Variants in DLGAP3 observed in about 807,000 individuals in gnomAD.
DLGAP3 encodes DLG associated protein 3, also known as disks large-associated protein 3.
DLGAP3 carries 17 observed loss-of-function variants against 81.2 expected under a neutral mutation model. The observed-to-expected ratio is 0.21, with a 90% CI of 0.14 to 0.31. DLGAP3 has a LOEUF of 0.31. DLGAP3 is among the 10% of genes least tolerant of loss of function. The pLI is 1.00. For synonymous variants in DLGAP3, 577 were observed against 587.4 expected, an observed-to-expected ratio of 0.98 and a Z score of 0.26; for missense variants, 1,124 against 1,388.0, an observed-to-expected ratio of 0.81 and a Z score of 3.02.
Position 34,868,948 on chromosome 1 carries a change from A to G in DLGAP3, c.2142T>C (p.Ser714=), listed in dbSNP as rs1638933658. Residue 714 remains serine, a synonymous_variant, in exon 9 of 12, where the codon TCT becomes TCC. Transcript: ENST00000373347. This position sits in a 1 kb window ranked among gnomAD's most constrained non-coding sequence, Gnocchi z 7.5. ...QFGRSFQRHA[S]EPQPGPRAPT... ...GGGCCCGGGGCCCAGGCTGGGGCTC[A>G]GAGGCGTGCCTCTGGAAGGAGCGTC... 1.2e-6 allele frequency: 2 copies of G among 1,610,006 alleles called. No individual in the cohort carries two copies. Among genetic ancestry groups the G allele is most frequent in the Non-Finnish European group, 1.7e-6 (2 of 1,179,844 alleles).
At chr1:34,921,876 T>C (rs1639801523) in intron 1 of DLGAP3, among the ~76,000 whole-genome samples, 1 of 152,228 alleles carries the variant, frequency 6.6e-6, no homozygotes, top group Non-Finnish European at 1.5e-5. Flanking sequence ...GACACTCCTG[T>C]AGATTTGTTA....
At chr1:34,917,856 T>C (rs911319794) in intron 1 of DLGAP3, among the ~76,000 whole-genome samples, 1 of 152,210 alleles carries the variant, frequency 6.6e-6, no homozygotes, top group Non-Finnish European at 1.5e-5. Context: ...AGGTGAGCCA[T>C]GATGCTCCTT....
intron 6 of DLGAP3, 23 bp from the exon 7 acceptor site, chr1:34,885,814 C>T (rs1046405507): frequency 1.4e-6 from 2 of 1,394,052 alleles, no homozygotes; most frequent in Non-Finnish European, 1.9e-6. Flanking sequence ...AGCGCAGAGA[C>T]GCAGTGGGTG....
At chr1:34,925,710 AG>A (rs916324706) in intron 1 of DLGAP3, among the ~76,000 whole-genome samples, 2 of 152,140 alleles carry the variant, frequency 1.3e-5, no homozygotes, top group African/African-American at 4.8e-5. Context: ...TGAGGGGGGC[AG>A]GGGCTACCTG....
intron 1 of DLGAP3, among the ~76,000 whole-genome samples, chr1:34,926,418 G>T (rs773649693): frequency 3.3e-5 from 5 of 152,226 alleles, no homozygotes; most frequent in Non-Finnish European, 5.9e-5. Context: ...ACGGCAGGAG[G>T]CCCGCTGAGC....
intron 5 of DLGAP3, among the ~76,000 whole-genome samples, chr1:34,894,645 A>G (rs1274964173): frequency 6.6e-6 from 1 of 152,262 alleles, no homozygotes. Context: ...GCTAAACTGT[A>G]TCAAACAGTA....
At chr1:34,875,615 G>A (rs1178368802) in intron 8 of DLGAP3, among the ~76,000 whole-genome samples, 5 of 152,216 alleles carry the variant, frequency 3.3e-5, no homozygotes, top group Non-Finnish European at 7.3e-5. Context: ...TGGTTAGAAA[G>A]AGTTGGAGGC....
At chr1:34,886,352 T>C in intron 5 of DLGAP3, 67 bp from the exon 6 acceptor site, 2 of 1,444,496 alleles carry the variant, frequency 1.4e-6, no homozygotes, top group Non-Finnish European at 1.9e-6. Context: ...CCTGGGGTGC[T>C]CTGCCTTAGG....
intron 1 of DLGAP3, among the ~76,000 whole-genome samples, chr1:34,918,550 G>A (rs1344997630): frequency 1.3e-5 from 2 of 152,186 alleles, no homozygotes; most frequent in African/African-American, 2.4e-5. Context: ...GCAGAGGCCC[G>A]GGCAGGGGGG....
chr1:34,899,251 G>A (rs937930544), intron 5 of DLGAP3, among the ~76,000 whole-genome samples: 1 of 152,248 alleles, frequency 6.6e-6, no homozygotes, highest in African/African-American at 2.4e-5. Flanking sequence ...TATATTTTTA[G>A]TAGAGACGGG....
intron 3 of DLGAP3, among the ~76,000 whole-genome samples, chr1:34,901,764 G>A (rs1639464250): frequency 6.6e-6 from 1 of 152,224 alleles, no homozygotes. Flanking sequence ...ACAGTGAGGG[G>A]AGAATTGAAG....
intron 1 of DLGAP3, among the ~76,000 whole-genome samples, chr1:34,908,362 T>C (rs571464843): frequency 3.3e-5 from 5 of 152,368 alleles, no homozygotes; most frequent in Admixed American, 6.5e-5. Context: ...GAGTACAAGA[T>C]GTCTGTGTGT....
Position 34,869,014 on chromosome 1 carries a change from G to A in DLGAP3, c.2076C>T (p.Gly692=), listed in dbSNP as rs1406577519. The change falls in exon 9 of 12, where the codon GGC becomes GGT. Residue 692 remains glycine, a synonymous_variant. Coordinates refer to ENST00000373347, the MANE Select transcript of DLGAP3 (RefSeq NM_001080418.3). ...QADLELEGLA[G]LATVATEDKA... is the part of the protein sequence containing the mutation. Reference sequence around the variant, plus strand: ...TGTCTTCTGTGGCCACCGTGGCCAGGCCTGCCAGGCCCTCCAGCTCCAGGT... The same window carrying A: ...TGTCTTCTGTGGCCACCGTGGCCAGACCTGCCAGGCCCTCCAGCTCCAGGT... The A allele has an allele frequency of 6.2e-7, 1 of 1,604,032 alleles. No individual in the cohort carries two copies.
intron 1 of DLGAP3, among the ~76,000 whole-genome samples, chr1:34,919,401 C>T (rs756523435): frequency 2.0e-5 from 3 of 152,198 alleles, no homozygotes; most frequent in Non-Finnish European, 4.4e-5. Context: ...TTAATGCTAG[C>T]AGCTGATTGG....
In DLGAP3 at chr1:34,868,596, G is replaced by C. The variant is rs370228266; in HGVS notation, c.2485+9C>G. ...CCCAGAGTCCCCTTGTTCCGATGCCGTGACTCACTCTCCTCGGGTAGCTCA... is the reference window on the plus strand; with the variant it reads ...CCCAGAGTCCCCTTGTTCCGATGCCCTGACTCACTCTCCTCGGGTAGCTCA... On this transcript the variant is annotated intron_variant, in intron 9 of 11. Coordinates refer to ENST00000373347, the MANE Select transcript of DLGAP3 (RefSeq NM_001080418.3). This position sits in a 1 kb window ranked among gnomAD's most constrained non-coding sequence, Gnocchi z 7.5. 11 of 1,609,956 alleles carry C rather than the reference G, an allele frequency of 6.8e-6. No homozygotes were observed. The highest frequency in any genetic ancestry group is 9.3e-6 in the Non-Finnish European group (11 of 1,177,788).
chr1:34,894,763 G>C (rs1639359429), intron 5 of DLGAP3, among the ~76,000 whole-genome samples: 1 of 152,124 alleles, frequency 6.6e-6, no homozygotes, highest in Non-Finnish European at 1.5e-5. Context: ...ATGTAAGGAG[G>C]TAAAGTGAGG....
Position 34,904,179 on chromosome 1 carries a change from G to C in DLGAP3, c.1107+98C>G, listed in dbSNP as rs558305110. ...CCCTACACCCAGGCCCTCCATCACA[G>C]GGACAGCTGGCTCCCACCCAACCCT... On this transcript the variant is annotated intron_variant, in intron 3 of 11. Transcript: ENST00000373347. The surrounding 1 kb of genome is among the most constrained non-coding windows in gnomAD (Gnocchi z 8.1). 1.1e-4 allele frequency: 162 copies of C among 1,479,316 alleles called. No homozygotes were observed. The African/African-American group carries it at 1.2e-3, about 11-fold the overall frequency. The allele number at this position is 1,479,316 out of a possible 1,614,324, so 91.6% of individuals were successfully genotyped here. A position where few individuals can be genotyped will look rare whatever the true frequency, so the allele number is the denominator to read the frequency against.
At chr1:34,906,146 G>A (rs1029354223) in intron 2 of DLGAP3, among the ~76,000 whole-genome samples, 6 of 149,046 alleles carry the variant, frequency 4.0e-5, no homozygotes. Flanking sequence ...ACATTTATGT[G>A]TAAATATATA....
intron 8 of DLGAP3, among the ~76,000 whole-genome samples, chr1:34,880,601 G>C (rs937632312): frequency 6.6e-6 from 1 of 151,792 alleles, no homozygotes; most frequent in Admixed American, 6.6e-5. Flanking sequence ...CATGGTGGCA[G>C]ATGCCTGTAA....
Sources: allele counts gnomAD v4.1 joint callset (sites outside exome capture counted in the v4.1 genomes callset), GRCh38; gene constraint gnomAD v4.1.1; non-coding constraint Gnocchi (gnomAD v3.1); transcripts MANE v1.5; gene names NCBI Gene and HGNC (gene_info 2026-07-23, HGNC 2026-07-21).